Variants in HIBADH observed in about 807,000 individuals in gnomAD.
The protein encoded by HIBADH is 3-hydroxyisobutyrate dehydrogenase, mitochondrial.
A neutral mutation model predicts 36.1 loss-of-function variants in HIBADH; 25 were observed. The ratio of observed to expected loss-of-function variants is 0.69; its 90% CI spans 0.50 to 0.97. The LOEUF is 0.97. HIBADH is among the 50% of genes least tolerant of loss of function. The pLI is 0.00. For missense variants in HIBADH, 421 were observed against 418.0 expected (o/e 1.01, Z -0.06); for synonymous variants, 160 against 149.5 (o/e 1.07, Z -0.51).
rs1288360684 is a variant in HIBADH, at chr7:27,565,735, T to C, written c.485-22635A>G. On this transcript the variant is annotated intron_variant, in intron 4 of 7. Coordinates refer to ENST00000265395, the MANE Select transcript of HIBADH (RefSeq NM_152740.4). Reference sequence around the variant, plus strand: ...GTTGTCTGATCTCAGGGGGAAAGCATTTAGTCTTTCACTACAAAGTATAAC... The same window carrying C: ...GTTGTCTGATCTCAGGGGGAAAGCACTTAGTCTTTCACTACAAAGTATAAC... Among the ~76,000 whole-genome samples the C allele has an allele frequency of 2.6e-5, 4 of 152,178 alleles. No individual in the cohort carries two copies. In the East Asian group the frequency reaches 5.8e-4, roughly 22 times the overall value.
At chr7:27,576,718 T>A (rs1214735711) in intron 4 of HIBADH, among the ~76,000 whole-genome samples, 2 of 152,186 alleles carry the variant, frequency 1.3e-5, no homozygotes, top group Non-Finnish European at 2.9e-5. Flanking sequence ...TTCTGGCAAA[T>A]ACAAAATGCC....
chr7:27,531,219 A>G lies in HIBADH; in HGVS notation c.825T>C (p.Gly275=). The G allele has an allele frequency of 6.2e-7, 1 of 1,613,538 alleles. No individual in the cohort carries two copies. The highest frequency in any genetic ancestry group is 8.5e-7 in the Non-Finnish European group (1 of 1,179,738). Reference sequence around the variant, plus strand: ...TAGCCATGAGTGTTGTTCCAAATCCACCCTGATAGTTATTAGCCGAGGGAA... The same window carrying G: ...TAGCCATGAGTGTTGTTCCAAATCCGCCCTGATAGTTATTAGCCGAGGGAA... The part of the protein sequence containing the change: ...DGVPSANNYQ[G]GFGTTLMAKD... Residue 275 remains glycine (G), a synonymous_variant, in exon 7 of 8, where the codon GGT becomes GGC. Coordinates refer to ENST00000265395, the MANE Select transcript of HIBADH (RefSeq NM_152740.4).
At chr7:27,651,913 G>C (rs150177633) in intron 1 of HIBADH, among the ~76,000 whole-genome samples, 2,977 of 152,258 alleles carry the variant, frequency 0.02, 56 homozygotes, top group South Asian at 0.031. Context: ...ATCTGACCTG[G>C]ATATTATACA....
In HIBADH at chr7:27,591,444, G is replaced by A. The variant is rs898420403; in HGVS notation, c.484+37927C>T. 4.6e-5 allele frequency among the ~76,000 whole-genome samples: 7 copies of A among 152,080 alleles called. No individual in the cohort carries two copies. The East Asian group carries it at 1.2e-3, about 25-fold the overall frequency. On this transcript the variant is annotated intron_variant, in intron 4 of 7. Transcript: ENST00000265395. ...CAGGTGCCTGTAGTCCCAGCTACTC[G>A]GGAGGCTGAGGTAGAAGAATGGTGT...
At chr7:27,567,296 G>C (rs1784559436) in intron 4 of HIBADH, among the ~76,000 whole-genome samples, 1 of 151,576 alleles carries the variant, frequency 6.6e-6, no homozygotes, top group Non-Finnish European at 1.5e-5. Flanking sequence ...CTATACCTTT[G>C]GTAATTTTCC....
chr7:27,609,512 TAAGTAAAATTA>T (rs1785288352), intron 4 of HIBADH, among the ~76,000 whole-genome samples: 1 of 152,168 alleles, frequency 6.6e-6, no homozygotes, highest in South Asian at 2.1e-4. Context: ...TACAGAGTGA[TAAGTAAAATTA>T]TGGGAAAATG....
chr7:27,647,252 G>C (rs1457586643), intron 2 of HIBADH, among the ~76,000 whole-genome samples: 1 of 152,152 alleles, frequency 6.6e-6, no homozygotes, highest in Non-Finnish European at 1.5e-5. Flanking sequence ...GCTGGACAAA[G>C]GGATGATTCA....
At chr7:27,540,724 C>G (rs570606235) in intron 5 of HIBADH, among the ~76,000 whole-genome samples, 2 of 152,252 alleles carry the variant, frequency 1.3e-5, no homozygotes, top group South Asian at 4.1e-4. Flanking sequence ...ACTCTAGAGG[C>G]TGAATTAGGG....
At chr7:27,616,699 T>C (rs1450260664) in intron 4 of HIBADH, among the ~76,000 whole-genome samples, 1 of 152,108 alleles carries the variant, frequency 6.6e-6, no homozygotes, top group Admixed American at 6.6e-5. Flanking sequence ...CGGGCTCAAG[T>C]GATGTGCTCG....
At chr7:27,657,934 C>T (rs577187517) in intron 1 of HIBADH, among the ~76,000 whole-genome samples, 3 of 152,094 alleles carry the variant, frequency 2.0e-5, no homozygotes, top group Admixed American at 6.5e-5. Flanking sequence ...GCCTGGCACA[C>T]GATTGATAAT....
At chr7:27,624,693 G>A (rs1785610491) in intron 4 of HIBADH, among the ~76,000 whole-genome samples, 1 of 152,148 alleles carries the variant, frequency 6.6e-6, no homozygotes, top group Non-Finnish European at 1.5e-5. Flanking sequence ...TAATACAGTA[G>A]AATATGCATT....
intron 2 of HIBADH, among the ~76,000 whole-genome samples, chr7:27,633,516 G>T (rs901804729): frequency 2.0e-5 from 3 of 152,048 alleles, no homozygotes. Flanking sequence ...AAAATTAGCT[G>T]GGTGTAGTGG....
intron 5 of HIBADH, among the ~76,000 whole-genome samples, chr7:27,540,313 C>G (rs974955539): frequency 1.3e-5 from 2 of 152,172 alleles, no homozygotes; most frequent in African/African-American, 4.8e-5. Flanking sequence ...TCTTCCTCAT[C>G]ATCTGGTACT....
intron 2 of HIBADH, among the ~76,000 whole-genome samples, chr7:27,645,371 T>TTTTTTTTTTTC (rs1786046094): frequency 9.0e-6 from 1 of 111,120 alleles, no homozygotes; most frequent in Non-Finnish European, 1.8e-5. Flanking sequence ...GGTTTTGATT[T>TTTTTTTTTTTC]TTTTTTTTTT....
chr7:27,595,581 TGTGTG>T (rs1562635965), intron 4 of HIBADH, among the ~76,000 whole-genome samples: 3 of 10,160 alleles, frequency 3.0e-4, no homozygotes, highest in African/African-American at 6.8e-4. Context: ...TAAGGGCAGG[TGTGTG>T]TGTGTGTGTG....
At position 27,629,229 on chromosome 7, in the gene HIBADH, G is replaced by C. The variant is rs137953527; in HGVS notation, c.484+142C>G. 9.0e-6 allele frequency: 6 copies of C among 668,228 alleles called. No individual in the cohort carries two copies. In the East Asian group the frequency reaches 1.1e-4, roughly 12 times the overall value. The allele number at this position is 668,228 out of a possible 1,614,324, so 41.4% of individuals were successfully genotyped here. A position where few individuals can be genotyped will look rare whatever the true frequency, so the allele number is the denominator to read the frequency against. ...TTTAGACTTGAGAGTACTAAATAAC[G>C]TATCAGTTTGGCTTTATTTTTAATG... On this transcript the variant is annotated intron_variant, in intron 4 of 7. Transcript: ENST00000265395.
At chr7:27,602,274 G>A (rs1785142814) in intron 4 of HIBADH, among the ~76,000 whole-genome samples, 1 of 151,866 alleles carries the variant, frequency 6.6e-6, no homozygotes, top group Admixed American at 6.6e-5. Context: ...ACACACAAAA[G>A]GTACTTAATT....
At chr7:27,531,894 G>A (rs1784008999) in intron 6 of HIBADH, among the ~76,000 whole-genome samples, 4 of 112,084 alleles carry the variant, frequency 3.6e-5, no homozygotes, top group African/African-American at 1.6e-4. Flanking sequence ...CTTAAGAAAA[G>A]TTATTATAAA....
chr7:27,633,663 T>TA (rs1321334922), intron 2 of HIBADH, among the ~76,000 whole-genome samples: 4 of 151,536 alleles, frequency 2.6e-5, no homozygotes, highest in African/African-American at 7.3e-5. Flanking sequence ...ACCTGTCTCT[T>TA]AAAAAAAAGA....
Sources: allele counts gnomAD v4.1 joint callset (sites outside exome capture counted in the v4.1 genomes callset), GRCh38; gene constraint gnomAD v4.1.1; transcripts MANE v1.5; gene names NCBI Gene and HGNC (gene_info 2026-07-23, HGNC 2026-07-21).